FLNA: variants seen among roughly 807,000 people sequenced by gnomAD.
FLNA encodes filamin A.
In FLNA, 7 loss-of-function variants were observed where a neutral mutation model predicts 157.6. That is an observed-to-expected ratio of 0.04 (90% confidence interval 0.03 to 0.08). The LOEUF is 0.08. Among genes scored for constraint, FLNA ranks in the 10% least tolerant of loss-of-function variants. The pLI, the probability that FLNA is intolerant of heterozygous loss-of-function variation, is 1.00. For missense variants in FLNA, 1,750 were observed against 2,398.4 expected, an observed-to-expected ratio of 0.73 and a Z score of 5.65; for synonymous variants, 1,103 against 1,060.8, an observed-to-expected ratio of 1.04 and a Z score of -0.77.
intron 21 of FLNA, 144 bp from the exon 22 acceptor site, chrX:154,360,731 T>C: frequency 3.7e-6 from 2 of 535,482 alleles, no homozygotes; most frequent in East Asian, 3.6e-5. Flanking sequence ...GCCTGCCAGA[T>C]GGGCCATCCA....
In FLNA at chrX:154,353,684, G is replaced by A; in HGVS notation, c.5730C>T (p.Ile1910=). The A allele has an allele frequency of 8.3e-7, 1 of 1,211,708 alleles. No homozygotes were observed. The highest frequency in any genetic ancestry group is 1.1e-6 in the Non-Finnish European group (1 of 895,380). ...LAIEGPSKAE[I]SCTDNQDGTC... ...TCCCATCCTGGTTGTCAGTGCAGCT[G>A]ATTTCTGCTTTGGACGGGCCCTCAA... The change falls in exon 36 of 48, where the codon ATC becomes ATT. Residue 1910 remains isoleucine (I), a synonymous_variant. Transcript: ENST00000369850.
In FLNA at chrX:154,349,492, G is replaced by A; in HGVS notation, c.7626C>T (p.Thr2542=). Residue 2542 remains threonine (T), a synonymous_variant, in exon 47 of 48, where the codon ACC becomes ACT. Coordinates refer to ENST00000369850, the MANE Select transcript of FLNA (RefSeq NM_001110556.2). Reference sequence around the variant, plus strand: ...CCGGGGCCCCATGCTGGGGGGCACAGGTGGCCTTGGTCAGAGAGTCTACAA... The same window carrying A: ...CCGGGGCCCCATGCTGGGGGGCACAAGTGGCCTTGGTCAGAGAGTCTACAA... ...SVFVDSLTKA[T]CAPQHGAPGP... is the part of the protein sequence containing the mutation. 1 of 1,212,255 alleles carries A rather than the reference G, an allele frequency of 8.2e-7. No individual in the cohort carries two copies. Among genetic ancestry groups the A allele is most frequent in the Non-Finnish European group, 1.1e-6 (1 of 895,523 alleles).
At chrX:154,355,598 G>A (rs377649716) in intron 30 of FLNA, among the ~76,000 whole-genome samples, 37 of 113,363 alleles carry the variant, frequency 3.3e-4, no homozygotes, top group African/African-American at 1.2e-3. Flanking sequence ...GAAGGCTCGC[G>A]GTGAAAAGCA....
At chrX:154,351,538 G>C (rs782034011) in intron 43 of FLNA, 43 bp downstream of exon 43, 3 of 945,450 alleles carry the variant, frequency 3.2e-6, no homozygotes, top group Non-Finnish European at 4.6e-6. Flanking sequence ...TGGTCTGTCC[G>C]GGCCCAGGAG....
intron 1 of FLNA, among the ~76,000 whole-genome samples, chrX:154,372,295 C>G (rs1368884604): frequency 1.8e-5 from 2 of 113,207 alleles, no homozygotes; most frequent in Non-Finnish European, 3.8e-5. Context: ...GGGGGGTCCT[C>G]TCCTGTCGGA....
At position 154,360,343 on chromosome X, in the gene FLNA, T is replaced by C; in HGVS notation, c.3452A>G (p.Lys1151Arg). The change falls in exon 22 of 48, where the codon AAG becomes AGG. Residue 1151 changes from lysine to arginine, a missense_variant. Lys to Arg is a conservative substitution (Grantham distance 26). Around this residue, in one of 5 missense-constraint regions of FLNA, gnomAD observed 648 missense variants for 805.8 expected, o/e 0.80. Coordinates refer to ENST00000369850, the MANE Select transcript of FLNA (RefSeq NM_001110556.2). ...GTCAAAGCAGGGAACCACGTGGGCC[T>C]TGAATGGGGAGCCAGGGATGTGGGT... ...ADTHIPGSPFKAHVVPCFDAS... is the reference protein window; with the variant it reads ...ADTHIPGSPFRAHVVPCFDAS... The C allele has an allele frequency of 8.3e-7, 1 of 1,211,518 alleles. No individual in the cohort carries two copies. Among genetic ancestry groups the C allele is most frequent in the Non-Finnish European group, 1.1e-6 (1 of 895,579 alleles).
rs1436441934 is a variant in FLNA, at chrX:154,367,623, C to T, written c.720+18G>A. ...CGATCCGGTCCCCTACAGCTGTAGC[C>T]AGGCCGGGCGGGTGTACCTGGGGGA... On this transcript the variant is annotated intron_variant, in intron 4 of 47. Transcript: ENST00000369850. The T allele has an allele frequency of 3.1e-5, 37 of 1,209,824 alleles. No homozygotes were observed. The highest frequency in any genetic ancestry group is 4.1e-5 in the Non-Finnish European group (37 of 894,877).
chrX:154,357,982 C>T (rs1557177196), intron 28 of FLNA, among the ~76,000 whole-genome samples: 1 of 112,444 alleles, frequency 8.9e-6, no homozygotes, highest in African/African-American at 3.2e-5. Flanking sequence ...GCTTTGGTGA[C>T]GTGCTCAAAG....
rs201475771 is a variant in FLNA at position 154,359,543 on chromosome X, G to A, written c.4083C>T (p.His1361=). Residue 1361 remains histidine, a synonymous_variant, in exon 24 of 48, where the codon CAC becomes CAT. Transcript: ENST00000369850. ...EGCDPSRVRV[H]GPGIQSGTTN... ...TGGTGCCACTTTGGATGCCTGGCCC[G>A]TGGACACGCACCCGGGAGGGGTCGC... 1.7e-5 allele frequency: 21 copies of A among 1,209,627 alleles called. No individual in the cohort carries two copies. The highest frequency in any genetic ancestry group is 8.9e-5 in the East Asian group (3 of 33,747).
rs1156603204 is a variant in FLNA at position 154,364,232 on chromosome X, T to TGCCCC, written c.2136+22_2136+26dup. On this transcript the variant is annotated intron_variant, in intron 14 of 47. Transcript: ENST00000369850. ...CAGGCCTGGGTGCCCACACCTGCCC[T>TGCCCC]GCCCCCAACACCCGTGGGTGCTCTA... The TGCCCC allele has an allele frequency of 3.3e-6, 4 of 1,206,451 alleles. No homozygotes were observed. The African/African-American group carries it at 7.0e-5, about 21-fold the overall frequency.
Position 154,350,972 on chromosome X carries a change from C to T in FLNA, c.7093G>A (p.Asp2365Asn), listed in dbSNP as rs2148102159. 2 of 1,210,894 alleles carry T rather than the reference C, an allele frequency of 1.7e-6. No homozygotes were observed. Among genetic ancestry groups the T allele is most frequent in the East Asian group, 3.0e-5 (1 of 33,848 alleles). The change falls in exon 44 of 48, where the codon GAT becomes AAT. Residue 2365 changes from aspartate (D) to asparagine (N), a missense_variant. Physicochemically the swap from Asp to Asn is conservative, Grantham distance 23. Around this residue, in one of 5 missense-constraint regions of FLNA, gnomAD observed 970 missense variants for 1,302.6 expected, o/e 0.74. Coordinates refer to ENST00000369850, the MANE Select transcript of FLNA (RefSeq NM_001110556.2). ...CCTGAGGGGCTGTGCACCTTGGCAT[C>T]GATCGCCCCCTTGGCCCCGTTCAGG... ...VSLNGAKGAIDAKVHSPSGAL... is the reference protein window; with the variant it reads ...VSLNGAKGAINAKVHSPSGAL...
chrX:154,369,498 C>T (rs181989939), intron 2 of FLNA, among the ~76,000 whole-genome samples: 1 of 108,810 alleles, frequency 9.2e-6, no homozygotes, highest in Non-Finnish European at 1.9e-5. Context: ...TGGATGGCCC[C>T]GCCCCATCCC....
rs782129907 is a variant in FLNA, at chrX:154,350,143, G to A, written c.7221C>T (p.Asn2407=). The A allele has an allele frequency of 4.2e-5, 51 of 1,209,995 alleles. No individual in the cohort carries two copies. Among genetic ancestry groups the A allele is most frequent in the African/African-American group, 1.0e-4 (6 of 57,390 alleles). ...NGVYLIDVKF[N]GTHIPGSPFK... ...AGGGGCTTCCAGGGATGTGGGTGCC[G>A]TTGAACTTGACGTCAATCAGGTAAA... The change falls in exon 45 of 48, where the codon AAC becomes AAT. Residue 2407 remains asparagine (N), a synonymous_variant. Coordinates refer to ENST00000369850, the MANE Select transcript of FLNA (RefSeq NM_001110556.2).
chrX:154,353,387 C>T lies in FLNA; in HGVS notation c.5931G>A (p.Glu1977=), dbSNP rs1402272182. 4.1e-6 allele frequency: 5 copies of T among 1,211,876 alleles called. No individual in the cohort carries two copies. The highest frequency in any genetic ancestry group is 5.6e-6 in the Non-Finnish European group (5 of 895,599). ...TGGCCGTCAGCAGGCTGAGATCCGT[C>T]TCTGAGATGTTGATGGGGATGTCGG... ...SAADIPINIS[E]TDLSLLTATV... is the part of the protein sequence containing the mutation. Residue 1977 remains glutamate (E), a synonymous_variant, in exon 37 of 48, where the codon GAG becomes GAA. Coordinates refer to ENST00000369850, the MANE Select transcript of FLNA (RefSeq NM_001110556.2).
At chrX:154,363,513 C>G (rs782362026) in intron 15 of FLNA, among the ~76,000 whole-genome samples, 16 of 110,279 alleles carry the variant, frequency 1.5e-4, no homozygotes, top group South Asian at 7.6e-4. Context: ...AGGAGATCGA[C>G]ACCATCCTGG....
chrX:154,364,165 C>A lies in FLNA; in HGVS notation c.2137G>T (p.Asp713Tyr). The A allele has an allele frequency of 8.3e-7, 1 of 1,211,381 alleles. No individual in the cohort carries two copies. The highest frequency in any genetic ancestry group is 1.1e-6 in the Non-Finnish European group (1 of 895,468). The stretch of plus-strand genomic sequence containing the variant: ...GCCTCCACAGGGCAGCCTTCATTGT[C>A]CTGTCAGGCAGATAGGAGCAGGTGG... ...GKAPLRVQVQ[D>Y]NEGCPVEALV... is the part of the protein sequence containing the mutation. Residue 713 changes from aspartate (D) to tyrosine (Y), a missense_variant and splice_region_variant, in exon 15 of 48, where the codon GAC becomes TAC. By Grantham distance (160) the Asp-to-Tyr change is radical. Transcript: ENST00000369850.
intron 1 of FLNA, among the ~76,000 whole-genome samples, chrX:154,373,283 C>A (rs1218657994): frequency 8.9e-6 from 1 of 112,478 alleles, no homozygotes; most frequent in African/African-American, 3.2e-5. Flanking sequence ...TGTCTGGGTT[C>A]ATTCCTTAAT....
At chrX:154,349,293 A>C in intron 47 of FLNA, 69 bp downstream of exon 47, 2 of 1,100,052 alleles carry the variant, frequency 1.8e-6, no homozygotes, top group Non-Finnish European at 2.5e-6. Flanking sequence ...GCTCTCCCAG[A>C]CACTGGCCAT....
Position 154,367,833 on chromosome X carries a change from C to T in FLNA, c.622+9G>A, listed in dbSNP as rs782536456. ...CAGCCCAGTCTCTCCTGCCTCTGCGCCCCCTCACCCGGGGCACAGCTGTCC... is the reference window on the plus strand; with the variant it reads ...CAGCCCAGTCTCTCCTGCCTCTGCGTCCCCTCACCCGGGGCACAGCTGTCC... On this transcript the variant is annotated intron_variant, in intron 3 of 47. Transcript: ENST00000369850. 5.8e-6 allele frequency: 7 copies of T among 1,210,620 alleles called. No homozygotes were observed. Among genetic ancestry groups the T allele is most frequent in the Non-Finnish European group, 6.7e-6 (6 of 895,285 alleles).
Sources: allele counts gnomAD v4.1 joint callset (sites outside exome capture counted in the v4.1 genomes callset), GRCh38; gene constraint gnomAD v4.1.1; regional missense constraint gnomAD v4.1.1; transcripts MANE v1.5; gene names NCBI Gene and HGNC (gene_info 2026-07-23, HGNC 2026-07-21).